GRM7: variants seen among roughly 807,000 people sequenced by gnomAD.
GRM7 encodes the protein metabotropic glutamate receptor 7.
A neutral mutation model predicts 84.5 loss-of-function variants in GRM7; 35 were observed. That is an observed-to-expected ratio of 0.41 (90% CI 0.32 to 0.55). The LOEUF (loss-of-function observed/expected upper bound fraction) is 0.55. GRM7 is among the 20% of genes least tolerant of loss of function. The pLI, the probability that GRM7 is intolerant of heterozygous loss-of-function variation, is 0.19. For missense variants in GRM7, 1,003 were observed against 1,194.6 expected (o/e 0.84, Z 2.36); for synonymous variants, 487 against 455.1 (o/e 1.07, Z -0.89).
At chr3:7,558,807 T>C (rs1027589854) in intron 7 of GRM7, among the ~76,000 whole-genome samples, 6 of 152,138 alleles carry the variant, frequency 3.9e-5, no homozygotes, top group Non-Finnish European at 5.9e-5. Flanking sequence ...GCTAAATAAT[T>C]GTTTGAACTG....
At chr3:7,099,299 T>A (rs1029030464) in intron 1 of GRM7, among the ~76,000 whole-genome samples, 5 of 144,834 alleles carry the variant, frequency 3.5e-5, no homozygotes, top group Non-Finnish European at 3.0e-5. Flanking sequence ...CATGTATATA[T>A]GTACACATGT....
At chr3:7,572,454 C>T (rs1400393040) in intron 7 of GRM7, among the ~76,000 whole-genome samples, 1 of 152,120 alleles carries the variant, frequency 6.6e-6, no homozygotes, top group Non-Finnish European at 1.5e-5. Context: ...CTAGGATCCC[C>T]TGGGGCTTTG....
At chr3:7,682,446 A>C (rs1176072005) in intron 9 of GRM7, 1 of 151,618 alleles carries the variant, frequency 6.6e-6, no homozygotes. Context: ...ATGTATATTT[A>C]TAATTAGTGG....
At chr3:7,306,912 ACTTT>A (rs1477206981) in intron 4 of GRM7, among the ~76,000 whole-genome samples, 1 of 152,212 alleles carries the variant, frequency 6.6e-6, no homozygotes, top group East Asian at 1.9e-4. Flanking sequence ...TGCCATAGGA[ACTTT>A]CTGAGAGGAG....
chr3:7,545,315 A>G (rs898564413), intron 7 of GRM7, among the ~76,000 whole-genome samples: 1 of 152,240 alleles, frequency 6.6e-6, no homozygotes, highest in Admixed American at 6.5e-5. Flanking sequence ...GTACTACGTT[A>G]AGTATTTAAT....
intron 1 of GRM7, among the ~76,000 whole-genome samples, chr3:6,963,042 C>T (rs1693361619): frequency 6.6e-6 from 1 of 152,168 alleles, no homozygotes; most frequent in South Asian, 2.1e-4. Flanking sequence ...CATTTCTCTG[C>T]AGTGTGTAAT....
intron 7 of GRM7, chr3:7,535,211 G>A (rs1321032242): frequency 6.6e-6 from 1 of 151,474 alleles, no homozygotes. Context: ...AGTGTCTCAG[G>A]AAATGAGACA....
chr3:7,534,206 G>T (rs1473430499), intron 7 of GRM7, among the ~76,000 whole-genome samples: 1 of 151,974 alleles, frequency 6.6e-6, no homozygotes. Flanking sequence ...TACAGACAGG[G>T]TTTCAACATA....
At position 7,092,362 on chromosome 3, in the gene GRM7, T is replaced by C. The variant is rs1574890679; in HGVS notation, c.520-54090T>C. On this transcript the variant is annotated intron_variant, in intron 1 of 9. Coordinates refer to ENST00000357716, the MANE Select transcript of GRM7 (RefSeq NM_000844.4). ...ATCCATTATGTTAAGAGCAAACATT[T>C]TAGTTACCACTTCTTGGTTTAATCC... 2.0e-5 allele frequency among the ~76,000 whole-genome samples: 3 copies of C among 152,176 alleles called. No individual in the cohort carries two copies. The South Asian group carries it at 6.2e-4, about 32-fold the overall frequency.
In GRM7 at chr3:7,500,948, C is replaced by T. The variant is rs573333249; in HGVS notation, c.1515+39226C>T. 4.0e-4 allele frequency among the ~76,000 whole-genome samples: 61 copies of T among 152,328 alleles called. 1 individual carries two copies. Among genetic ancestry groups the T allele is most frequent in the Non-Finnish European group, 7.9e-4 (54 of 68,034 alleles). On this transcript the variant is annotated intron_variant, in intron 7 of 9. Coordinates refer to ENST00000357716, the MANE Select transcript of GRM7 (RefSeq NM_000844.4). ...AGTTGTCCTGCTGAGCAACCTGCCT[C>T]AACCAAATCAGTCAAACTGCAGATC...
At chr3:7,113,284 G>A (rs1180792370) in intron 1 of GRM7, among the ~76,000 whole-genome samples, 1 of 152,064 alleles carries the variant, frequency 6.6e-6, no homozygotes, top group Admixed American at 6.6e-5. Context: ...TTAATACTTT[G>A]TTTTAGAGCA....
chr3:7,348,200 G>T (rs1007244460), intron 4 of GRM7, among the ~76,000 whole-genome samples: 27 of 152,032 alleles, frequency 1.8e-4, no homozygotes, highest in African/African-American at 6.5e-4. Context: ...ACTCAATCTG[G>T]CATTCCAGGC....
intron 1 of GRM7, among the ~76,000 whole-genome samples, chr3:6,875,760 G>A (rs9845292): frequency 0.18 from 27,814 of 151,986 alleles, 2,637 homozygotes; most frequent in East Asian, 0.28. Context: ...GGTGAAGTAG[G>A]GTGGGGAGGT....
intron 4 of GRM7, among the ~76,000 whole-genome samples, chr3:7,320,134 G>A (rs1329262763): frequency 6.6e-6 from 1 of 151,790 alleles, no homozygotes; most frequent in Non-Finnish European, 1.5e-5. Flanking sequence ...TGTATGCATG[G>A]AAATGTACAG....
chr3:7,667,350 T>C (rs970557912), intron 8 of GRM7, among the ~76,000 whole-genome samples: 1 of 152,026 alleles, frequency 6.6e-6, no homozygotes, highest in African/African-American at 2.4e-5. Context: ...TTCAGGCACT[T>C]CTGCAGGCAC....
In GRM7 at chr3:7,530,707, T is replaced by G. The variant is rs543000835; in HGVS notation, c.1516-47715T>G. On this transcript the variant is annotated intron_variant, in intron 7 of 9. Transcript: ENST00000357716. ...CTCTAATGACCAGTGATGATGGGCT[T>G]TTTTTCATATGTTTCTTGGCCACAT... is the stretch of plus-strand genomic sequence containing the variant. Among the ~76,000 whole-genome samples, 148 of 152,312 alleles carry G rather than the reference T, an allele frequency of 9.7e-4. 2 individuals carry two copies. In the South Asian group the frequency reaches 0.017, roughly 17 times the overall value.
chr3:7,589,398 T>C (rs1165046539), intron 8 of GRM7, among the ~76,000 whole-genome samples: 1 of 152,160 alleles, frequency 6.6e-6, no homozygotes, highest in Non-Finnish European at 1.5e-5. Flanking sequence ...GGGATAAGTG[T>C]TTTATAAGGC....
intron 4 of GRM7, among the ~76,000 whole-genome samples, chr3:7,320,876 TG>T: frequency 1.3e-5 from 2 of 152,212 alleles, no homozygotes; most frequent in Admixed American, 1.3e-4. Flanking sequence ...ATGAGGGCTC[TG>T]TAGATGTAAT....
intron 4 of GRM7, among the ~76,000 whole-genome samples, chr3:7,331,992 A>G (rs1701227169): frequency 6.6e-6 from 1 of 152,188 alleles, no homozygotes; most frequent in Non-Finnish European, 1.5e-5. Flanking sequence ...TCAGACTGTG[A>G]TAGGATCAGA....
Sources: gnomAD v4.1 joint callset for allele counts (sites outside exome capture counted in the v4.1 genomes callset) on GRCh38, gnomAD v4.1.1 for gene constraint, MANE v1.5 for transcripts, NCBI Gene and HGNC (gene_info 2026-07-23, HGNC 2026-07-21) for gene names.